Variants in PBX3 observed in about 807,000 individuals in gnomAD.
PBX3 encodes the protein PBX homeobox 3, also known as pre-B-cell leukemia transcription factor 3.
PBX3 carries 14 observed loss-of-function variants against 48.5 expected under a neutral mutation model. The ratio of observed to expected loss-of-function variants is 0.29; its 90% CI spans 0.19 to 0.45. PBX3 has a LOEUF of 0.45. PBX3 is among the 20% of genes least tolerant of loss of function. PBX3 has a pLI of 1.00. For synonymous variants in PBX3, 210 were observed against 200.3 expected, an observed-to-expected ratio of 1.05 and a Z score of -0.41; for missense variants, 386 against 546.7, an observed-to-expected ratio of 0.71 and a Z score of 2.93.
intron 2 of PBX3, among the ~76,000 whole-genome samples, chr9:125,865,826 A>G (rs1229341353): frequency 6.6e-6 from 1 of 152,318 alleles, no homozygotes; most frequent in South Asian, 2.1e-4. Flanking sequence ...TCATTAGCCT[A>G]TAGCCTGTTT....
chr9:125,946,030 G>A lies in PBX3; in HGVS notation c.843+10423G>A, dbSNP rs187210277. Among the ~76,000 whole-genome samples the A allele has an allele frequency of 2.6e-5, 4 of 152,124 alleles. No homozygotes were observed. In the East Asian group the frequency reaches 7.7e-4, roughly 29 times the overall value. On this transcript the variant is annotated intron_variant, in intron 5 of 8. Transcript: ENST00000373489. The stretch of plus-strand genomic sequence containing the variant: ...CTTTAGACCCCTTTACTTTTCAGGG[G>A]TAAAAAGGTATGAATTGGTGTCTAG...
intron 2 of PBX3, among the ~76,000 whole-genome samples, chr9:125,887,081 C>T (rs1278107558): frequency 1.3e-5 from 2 of 152,108 alleles, no homozygotes. Flanking sequence ...CAACCCAGAC[C>T]ATTTTGGTTG....
chr9:125,861,410 A>G (rs1322516010), intron 2 of PBX3, among the ~76,000 whole-genome samples: 2 of 152,164 alleles, frequency 1.3e-5, no homozygotes, highest in East Asian at 3.8e-4. Flanking sequence ...AGGAAAATGG[A>G]AAATAGTCTG....
At chr9:125,868,030 C>T (rs143558622) in intron 2 of PBX3, among the ~76,000 whole-genome samples, 8 of 152,228 alleles carry the variant, frequency 5.3e-5, no homozygotes, top group South Asian at 4.2e-4. Flanking sequence ...TGTATGCCTC[C>T]ACGCCTGGTA....
rs145017815 is a variant in PBX3, at chr9:125,801,650, A to G, written c.274+53027A>G. 2.9e-5 allele frequency among the ~76,000 whole-genome samples: 4 copies of G among 136,028 alleles called. No homozygotes were observed. In the East Asian group the frequency reaches 8.9e-4, roughly 30 times the overall value. The allele number at this position is 136,028 out of a possible 152,430, so 89.2% of individuals were successfully genotyped here. A position where few individuals can be genotyped will look rare whatever the true frequency, so the allele number is the denominator to read the frequency against. ...TTAGTGATGTATGTTATCGTGTGAT[A>G]TGTTTTTTCACATTCCATCTTTTTG... is the stretch of plus-strand genomic sequence containing the variant. On this transcript the variant is annotated intron_variant, in intron 2 of 8. Coordinates refer to ENST00000373489, the MANE Select transcript of PBX3 (RefSeq NM_006195.6).
chr9:125,877,854 C>T (rs1840292277), intron 2 of PBX3, among the ~76,000 whole-genome samples: 1 of 152,184 alleles, frequency 6.6e-6, no homozygotes, highest in Non-Finnish European at 1.5e-5. Flanking sequence ...CCAGATTCAT[C>T]CTCAATTTGA....
intron 2 of PBX3, among the ~76,000 whole-genome samples, chr9:125,824,017 A>G (rs139535104): frequency 0.036 from 5,516 of 151,702 alleles, 351 homozygotes; most frequent in African/African-American, 0.13. Flanking sequence ...CAGAGGTCGC[A>G]GTGAGCTGAG....
At chr9:125,939,468 G>A (rs527727467) in intron 5 of PBX3, among the ~76,000 whole-genome samples, 2 of 152,282 alleles carry the variant, frequency 1.3e-5, no homozygotes, top group African/African-American at 4.8e-5. Flanking sequence ...ATGTGTAGCA[G>A]TAGGAGCCCT....
At chr9:125,838,248 T>C (rs1490306176) in intron 2 of PBX3, among the ~76,000 whole-genome samples, 1 of 152,154 alleles carries the variant, frequency 6.6e-6, no homozygotes, top group Non-Finnish European at 1.5e-5. Context: ...GACAGGGTCT[T>C]ACTGTGTTGG....
intron 2 of PBX3, chr9:125,797,347 T>A (rs1837815208): frequency 6.6e-6 from 1 of 152,124 alleles, no homozygotes; most frequent in Non-Finnish European, 1.5e-5. Flanking sequence ...TAAATCATAC[T>A]GTATTCTGGC....
At chr9:125,934,237 T>C (rs1375891161) in intron 4 of PBX3, among the ~76,000 whole-genome samples, 2 of 152,172 alleles carry the variant, frequency 1.3e-5, no homozygotes, top group Admixed American at 1.3e-4. Context: ...AATGTTGAAA[T>C]GTAGATCACA....
At chr9:125,827,967 G>A (rs906177701) in intron 2 of PBX3, among the ~76,000 whole-genome samples, 4 of 152,068 alleles carry the variant, frequency 2.6e-5, no homozygotes, top group African/African-American at 7.2e-5. Context: ...CTGGAACTAC[G>A]CATTTTGGAA....
At chr9:125,915,206 G>A (rs1564171338) in intron 2 of PBX3, among the ~76,000 whole-genome samples, 1 of 152,098 alleles carries the variant, frequency 6.6e-6, no homozygotes, top group Non-Finnish European at 1.5e-5. Context: ...TTTGATTACA[G>A]CTTGTGAATT....
In PBX3 at chr9:125,793,366, A is replaced by ATATATATATATAT. The variant is rs1554855766; in HGVS notation, c.274+44743_274+44744insTATATATATATAT. Among the ~76,000 whole-genome samples the ATATATATATATAT allele has an allele frequency of 7.7e-3, 786 of 101,780 alleles. 9 individuals are homozygous for ATATATATATATAT. Among genetic ancestry groups the ATATATATATATAT allele is most frequent in the East Asian group, 0.014 (45 of 3,146 alleles). 66.8% of individuals were successfully genotyped at this position (101,780 alleles called of 152,430 possible). ...GACTCCATTTGGGGGGGAAAAAAAA[A>ATATATATATATAT]ATATATATATATATATATATATATA... On this transcript the variant is annotated intron_variant, in intron 2 of 8. Coordinates refer to ENST00000373489, the MANE Select transcript of PBX3 (RefSeq NM_006195.6).
At chr9:125,856,871 C>A (rs1407542709) in intron 2 of PBX3, among the ~76,000 whole-genome samples, 1 of 152,096 alleles carries the variant, frequency 6.6e-6, no homozygotes, top group Non-Finnish European at 1.5e-5. Flanking sequence ...GAATTCTTTG[C>A]CATCTGGAAA....
At chr9:125,805,889 AC>A (rs1838110957) in intron 2 of PBX3, among the ~76,000 whole-genome samples, 1 of 152,202 alleles carries the variant, frequency 6.6e-6, no homozygotes. Context: ...ACTATTCTAT[AC>A]CCATAGGAAT....
intron 2 of PBX3, among the ~76,000 whole-genome samples, chr9:125,890,859 C>T (rs560197877): frequency 1.3e-5 from 2 of 152,238 alleles, no homozygotes; most frequent in African/African-American, 2.4e-5. Context: ...CAAAACAGTT[C>T]CATGGTAATA....
chr9:125,780,416 ACCC>A (rs367962542), intron 2 of PBX3, among the ~76,000 whole-genome samples: 1,982 of 53,786 alleles, frequency 0.037, 2 homozygotes, highest in South Asian at 0.063. Context: ...CGGGGGGCTG[ACCC>A]CCCCCCCACC....
chr9:125,927,896 G>T (rs1841613703), intron 3 of PBX3, among the ~76,000 whole-genome samples: 1 of 151,956 alleles, frequency 6.6e-6, no homozygotes, highest in African/African-American at 2.4e-5. Flanking sequence ...AAAATTAGCT[G>T]GGGGCCAGGC....
Sources: gnomAD v4.1 joint callset for allele counts (sites outside exome capture counted in the v4.1 genomes callset) on GRCh38, gnomAD v4.1.1 for gene constraint, MANE v1.5 for transcripts, NCBI Gene and HGNC (gene_info 2026-07-23, HGNC 2026-07-21) for gene names.